WDR41: variants seen among roughly 807,000 people sequenced by gnomAD.
WDR41 encodes the protein WD repeat-containing protein 41.
Under a neutral mutation model 69.3 loss-of-function variants are expected in WDR41, and 63 were observed. That is an observed-to-expected ratio of 0.91 (90% CI 0.74 to 1.12). The LOEUF (loss-of-function observed/expected upper bound fraction) is 1.12. Ranked by LOEUF, WDR41 falls within the 50% of genes most tolerant of loss-of-function variation. The pLI is 0.00. For synonymous variants in WDR41, 185 were observed against 192.1 expected (o/e 0.96, Z 0.31); for missense variants, 543 against 534.5 (o/e 1.02, Z -0.16).
chr5:77,513,917 C>A (rs997690920), intron 1 of WDR41, among the ~76,000 whole-genome samples: 1 of 152,048 alleles, frequency 6.6e-6, no homozygotes, highest in Non-Finnish European at 1.5e-5. Flanking sequence ...GAGGGCTTTT[C>A]TTAGGCAATG....
chr5:77,549,341 T>C (rs184782067), intron 1 of WDR41, among the ~76,000 whole-genome samples: 199 of 152,228 alleles, frequency 1.3e-3, no homozygotes, highest in Admixed American at 2.6e-3. Flanking sequence ...GATATGATTA[T>C]ATACCTAGAA....
At chr5:77,464,199 A>T (rs1158165347) in intron 3 of WDR41, among the ~76,000 whole-genome samples, 1 of 151,846 alleles carries the variant, frequency 6.6e-6, no homozygotes, top group East Asian at 1.9e-4. Context: ...GTGATAACCT[A>T]AATTTTGTTA....
intron 1 of WDR41, among the ~76,000 whole-genome samples, chr5:77,539,741 T>C (rs1028752587): frequency 7.2e-5 from 11 of 152,172 alleles, no homozygotes; most frequent in African/African-American, 2.4e-4. Flanking sequence ...CAGTGTTTTA[T>C]ACTAACAGCT....
chr5:77,517,546 TTTTTCC>T (rs1802307946), intron 1 of WDR41, among the ~76,000 whole-genome samples: 2 of 151,856 alleles, frequency 1.3e-5, no homozygotes, highest in Admixed American at 6.6e-5. Context: ...ATTTCAACTT[TTTTTCC>T]TTTTCCTTTA....
At chr5:77,612,300 G>C (rs1744575045) in intron 1 of WDR41, among the ~76,000 whole-genome samples, 1 of 152,178 alleles carries the variant, frequency 6.6e-6, no homozygotes, top group Admixed American at 6.5e-5. Context: ...TATGAGGCCA[G>C]CGTCATCCTG....
intron 2 of WDR41, among the ~76,000 whole-genome samples, chr5:77,465,837 A>AT (rs1408220493): frequency 1.3e-5 from 2 of 151,466 alleles, no homozygotes; most frequent in Non-Finnish European, 3.0e-5. Context: ...GTTCTAATGG[A>AT]TTTTTTACCC....
chr5:77,508,652 A>AT (rs757770869), intron 1 of WDR41, among the ~76,000 whole-genome samples: 13 of 152,104 alleles, frequency 8.5e-5, no homozygotes, highest in Non-Finnish European at 1.6e-4. Context: ...TGTCACAATT[A>AT]TTTGTTGCTA....
chr5:77,613,030 A>T (rs1267278155), intron 1 of WDR41, among the ~76,000 whole-genome samples: 43 of 149,772 alleles, frequency 2.9e-4, no homozygotes, highest in Non-Finnish European at 5.7e-4. Context: ...ATCATGAGTG[A>T]ACTCCCATTC....
chr5:77,514,804 G>A (rs1377062838), intron 1 of WDR41, among the ~76,000 whole-genome samples: 1 of 151,158 alleles, frequency 6.6e-6, no homozygotes, highest in African/African-American at 2.4e-5. Flanking sequence ...ACTGACTACT[G>A]TAGGCAATTG....
chr5:77,586,114 TTTAG>T (rs1319129141), intron 1 of WDR41, among the ~76,000 whole-genome samples: 1 of 152,116 alleles, frequency 6.6e-6, no homozygotes, highest in African/African-American at 2.4e-5. Context: ...ACCATGGCAG[TTTAG>T]TTAAACAAAT....
chr5:77,616,245 T>C (rs1197952574), intron 1 of WDR41, among the ~76,000 whole-genome samples: 3 of 152,034 alleles, frequency 2.0e-5, no homozygotes, highest in African/African-American at 7.2e-5. Context: ...ACGAAATAAA[T>C]CCATCAGCAT....
chr5:77,555,378 G>A (rs1389019816), intron 1 of WDR41, among the ~76,000 whole-genome samples: 3 of 151,950 alleles, frequency 2.0e-5, no homozygotes, highest in East Asian at 1.9e-4. Flanking sequence ...GCATGATCAC[G>A]GCTCACTGCA....
chr5:77,532,555 T>C (rs1010189611), intron 1 of WDR41, among the ~76,000 whole-genome samples: 6 of 152,084 alleles, frequency 3.9e-5, no homozygotes, highest in Non-Finnish European at 7.4e-5. Context: ...ACTCAAATGT[T>C]TATCAACAGT....
At chr5:77,604,243 A>T (rs1744374682) in intron 1 of WDR41, among the ~76,000 whole-genome samples, 1 of 152,010 alleles carries the variant, frequency 6.6e-6, no homozygotes, top group South Asian at 2.1e-4. Context: ...ATCCTCATCC[A>T]TTTCTTTCAT....
intron 8 of WDR41, among the ~76,000 whole-genome samples, chr5:77,443,375 T>C (rs1267554725): frequency 1.3e-5 from 2 of 152,188 alleles, no homozygotes; most frequent in African/African-American, 4.8e-5. Context: ...CAGAAATCTC[T>C]AATGACCACA....
chr5:77,565,133 C>T (rs1402630089), intron 1 of WDR41, among the ~76,000 whole-genome samples: 1 of 152,108 alleles, frequency 6.6e-6, no homozygotes, highest in Admixed American at 6.6e-5. Flanking sequence ...GATTCTCAGG[C>T]TGCCCCAGGC....
At chr5:77,587,521 T>C (rs1221431994) in intron 1 of WDR41, among the ~76,000 whole-genome samples, 2 of 152,222 alleles carry the variant, frequency 1.3e-5, no homozygotes, top group African/African-American at 4.8e-5. Context: ...GTCTATTTTG[T>C]TTCATTTTAT....
chr5:77,585,548 C>CAA (rs1042055007), intron 1 of WDR41, among the ~76,000 whole-genome samples: 2 of 152,168 alleles, frequency 1.3e-5, no homozygotes, highest in African/African-American at 4.8e-5. Flanking sequence ...GCACAATTCA[C>CAA]AATCGCAAAA....
rs558070506 is a variant in WDR41 at position 77,602,144 on chromosome 5, C to CTT, written c.42+18333_42+18334dup. On this transcript the variant is annotated intron_variant, in intron 1 of 5. Coordinates refer to the WDR41 transcript ENST00000509971. The stretch of plus-strand genomic sequence containing the variant: ...ATCCTCTGGTATCTATCATTCTACT[C>CTT]TTTTTTTTTTTTTAGATGGAGTTTC... 1.8e-3 allele frequency among the ~76,000 whole-genome samples: 255 copies of CTT among 144,850 alleles called. 1 individual carries two copies. Among genetic ancestry groups the CTT allele is most frequent in the African/African-American group, 6.1e-3 (243 of 39,686 alleles).
Sources: gnomAD v4.1 joint callset for allele counts (sites outside exome capture counted in the v4.1 genomes callset) on GRCh38, gnomAD v4.1.1 for gene constraint, MANE v1.5 for transcripts, NCBI Gene and HGNC (gene_info 2026-07-23, HGNC 2026-07-21) for gene names.